Variants in DCAF8L2 observed in about 807,000 individuals in gnomAD.
DCAF8L2 encodes the protein DDB1- and CUL4-associated factor 8-like protein 2.
For missense variants in DCAF8L2, 430 were observed against 490.7 expected, an observed-to-expected ratio of 0.88 and a Z score of 1.17; for synonymous variants, 200 against 190.9, an observed-to-expected ratio of 1.05 and a Z score of -0.39.
chrX:27,613,274 T>A (rs755535642), intron 1 of DCAF8L2, among the ~76,000 whole-genome samples: 1 of 111,689 alleles, frequency 9.0e-6, no homozygotes, highest in Admixed American at 9.6e-5. Flanking sequence ...TGTATAGGAA[T>A]GCTTGTAATT....
At chrX:27,541,660 G>T in the DCAF8L2 span, among the ~76,000 whole-genome samples, 1 of 110,606 alleles carries the variant, frequency 9.0e-6, no homozygotes, top group African/African-American at 3.3e-5. Flanking sequence ...GAGCCACTGT[G>T]CCTGGCCAAA....
At chrX:27,536,567 A>C in the DCAF8L2 span, among the ~76,000 whole-genome samples, 1 of 111,732 alleles carries the variant, frequency 8.9e-6, no homozygotes, top group Admixed American at 9.5e-5. Context: ...TGTTCTTGTC[A>C]CACGACCAGG....
the DCAF8L2 span, among the ~76,000 whole-genome samples, chrX:27,552,895 C>T: frequency 8.9e-6 from 1 of 111,875 alleles, no homozygotes; most frequent in Non-Finnish European, 1.9e-5. Context: ...ATTAATTCTT[C>T]CAATCTATGC....
In DCAF8L2 at chrX:27,664,968, T is replaced by C. The variant is rs766557651; in HGVS notation, c.-219-12868T>C. ...GCACCTAGTTACCCAAGAGCTCTGA[T>C]GGAAATATACAAAAAGATTAATATT... On this transcript the variant is annotated intron_variant, in intron 2 of 4. Transcript: ENST00000451261. Among the ~76,000 whole-genome samples the C allele has an allele frequency of 3.4e-4, 38 of 111,467 alleles. No homozygotes were observed. In the Middle Eastern group the frequency reaches 0.014, roughly 40 times the overall value.
the DCAF8L2 span, among the ~76,000 whole-genome samples, chrX:27,521,671 C>T: frequency 9.0e-6 from 1 of 111,625 alleles, no homozygotes; most frequent in African/African-American, 3.2e-5. Flanking sequence ...TGTCATCTCA[C>T]AATTGTAGGA....
intron 2 of DCAF8L2, among the ~76,000 whole-genome samples, chrX:27,658,363 A>G (rs1219838185): frequency 8.9e-6 from 1 of 112,161 alleles, no homozygotes; most frequent in Non-Finnish European, 1.9e-5. Context: ...GTTAAGCCAT[A>G]CACAGAGAAC....
chrX:27,732,504 G>T (rs1296137133), intron 4 of DCAF8L2, among the ~76,000 whole-genome samples: 1 of 110,370 alleles, frequency 9.1e-6, no homozygotes, highest in Non-Finnish European at 1.9e-5. Flanking sequence ...GTGTGTGTGT[G>T]TGTGTGTGTG....
chrX:27,691,560 TTC>T (rs764073775), intron 3 of DCAF8L2, among the ~76,000 whole-genome samples: 1 of 112,134 alleles, frequency 8.9e-6, no homozygotes, highest in African/African-American at 3.2e-5. Context: ...CTATTTCTGT[TTC>T]TCTGTCCTAT....
At position 27,748,546 on chromosome X, in the gene DCAF8L2, A is replaced by C; in HGVS notation, c.1651A>C (p.Thr551Pro). Residue 551 changes from threonine to proline, a missense_variant, in exon 5 of 5, where the codon ACT (threonine) becomes CCT (proline). Physicochemically the swap from Thr to Pro is conservative, Grantham distance 38 (BLOSUM62 -1). Coordinates refer to ENST00000451261, the MANE Select transcript of DCAF8L2 (RefSeq NM_001353450.2). ...CACAGCTAAAGCTGCCACTGAGCTT[A>C]CTGGGTTAAAGAAGGTGATTAAGAA... Reference protein sequence around the residue: ...TPTAKAATELTGLKKVIKKNK... With the variant: ...TPTAKAATELPGLKKVIKKNK... 2.5e-6 allele frequency: 3 copies of C among 1,211,504 alleles called. No individual in the cohort carries two copies. Among genetic ancestry groups the C allele is most frequent in the Non-Finnish European group, 3.4e-6 (3 of 895,251 alleles).
chrX:27,740,639 C>A (rs1921792572), intron 4 of DCAF8L2, among the ~76,000 whole-genome samples: 1 of 111,841 alleles, frequency 8.9e-6, no homozygotes, highest in African/African-American at 3.3e-5. Flanking sequence ...TCCACAAACA[C>A]TCACATTGTG....
At chrX:27,578,651 T>C in the DCAF8L2 span, among the ~76,000 whole-genome samples, 4 of 111,342 alleles carry the variant, frequency 3.6e-5, no homozygotes, top group African/African-American at 1.3e-4. Context: ...TTTTGCAATC[T>C]ATCCATCTGA....
the DCAF8L2 span, among the ~76,000 whole-genome samples, chrX:27,513,573 C>T: frequency 9.2e-6 from 1 of 109,248 alleles, no homozygotes; most frequent in African/African-American, 3.3e-5. Context: ...GGCGTGGTGG[C>T]GTGCGCCTGT....
the DCAF8L2 span, among the ~76,000 whole-genome samples, chrX:27,497,505 T>TTCC: frequency 1.4e-3 from 33 of 23,535 alleles, no homozygotes; most frequent in African/African-American, 3.5e-3. Context: ...TTATTCTTTC[T>TTCC]TTCTTTCCTT....
At chrX:27,488,552 TGTGTGTGTGTGC>T in the DCAF8L2 span, among the ~76,000 whole-genome samples, 358 of 81,400 alleles carry the variant, frequency 4.4e-3, 1 homozygote, top group African/African-American at 0.016. Flanking sequence ...TGTGTGTGTG[TGTGTGTGTGTGC>T]GCTTTCATAT....
At chrX:27,528,497 T>C in the DCAF8L2 span, among the ~76,000 whole-genome samples, 3 of 103,206 alleles carry the variant, frequency 2.9e-5, no homozygotes, top group African/African-American at 1.1e-4. Flanking sequence ...TATATATATA[T>C]ATATACACAC....
the DCAF8L2 span, among the ~76,000 whole-genome samples, chrX:27,543,181 T>C: frequency 1.6e-3 from 176 of 112,379 alleles, no homozygotes; most frequent in Non-Finnish European, 3.0e-3. Context: ...AAGGAAGGGA[T>C]CAAGTTTCAG....
At chrX:27,690,364 G>A (rs1372973435) in intron 3 of DCAF8L2, among the ~76,000 whole-genome samples, 2 of 111,260 alleles carry the variant, frequency 1.8e-5, no homozygotes, top group Non-Finnish European at 1.9e-5. Flanking sequence ...TGTAAATTAG[G>A]CTGGCTAAAA....
chrX:27,739,323 G>A (rs1921722737), intron 4 of DCAF8L2, among the ~76,000 whole-genome samples: 1 of 111,380 alleles, frequency 9.0e-6, no homozygotes, highest in African/African-American at 3.3e-5. Context: ...CAAATTCAGT[G>A]GTCACTTCCA....
intron 2 of DCAF8L2, among the ~76,000 whole-genome samples, chrX:27,637,947 C>T (rs778000922): frequency 1.8e-5 from 2 of 110,871 alleles, no homozygotes; most frequent in South Asian, 7.6e-4. Context: ...GAGAAGTAGA[C>T]ACTAAGACAG....
Sources: allele counts gnomAD v4.1 joint callset (sites outside exome capture counted in the v4.1 genomes callset), GRCh38; gene constraint gnomAD v4.1.1; transcripts MANE v1.5; gene names NCBI Gene and HGNC (gene_info 2026-07-23, HGNC 2026-07-21).